AFF3: variants seen among roughly 807,000 people sequenced by gnomAD.
AFF3 encodes the protein ALF transcription elongation factor 3, also known as AF4/FMR2 family member 3.
AFF3 carries 32 observed loss-of-function variants against 129.7 expected under a neutral mutation model. The observed-to-expected ratio is 0.25, with a 90% CI of 0.19 to 0.33. AFF3 has a LOEUF of 0.33. Ranked by LOEUF, AFF3 falls within the 10% of genes least tolerant of loss-of-function variation. The pLI, the probability that AFF3 is intolerant of heterozygous loss-of-function variation, is 1.00. For missense variants in AFF3, 1,373 were observed against 1,592.0 expected (o/e 0.86, Z 2.34); for synonymous variants, 644 against 635.4 (o/e 1.01, Z -0.20).
intron 7 of AFF3, among the ~76,000 whole-genome samples, chr2:99,921,461 TC>T (rs1177228554): frequency 6.6e-6 from 1 of 152,076 alleles, no homozygotes; most frequent in African/African-American, 2.4e-5. Flanking sequence ...ATTGTTGAAA[TC>T]CAAACAAAGT....
intron 8 of AFF3, among the ~76,000 whole-genome samples, chr2:99,813,443 T>A (rs1163163142): frequency 6.6e-6 from 1 of 151,802 alleles, no homozygotes; most frequent in African/African-American, 2.4e-5. Context: ...TAGGTCTTAA[T>A]AAGAATTCAC....
intron 4 of AFF3, among the ~76,000 whole-genome samples, chr2:100,079,951 AACTC>A (rs1688914119): frequency 6.6e-6 from 1 of 152,182 alleles, no homozygotes; most frequent in East Asian, 1.9e-4. Context: ...CCTTGCTCTT[AACTC>A]ACTATGTATT....
At chr2:100,053,709 C>T (rs190216270) in intron 4 of AFF3, among the ~76,000 whole-genome samples, 2 of 152,258 alleles carry the variant, frequency 1.3e-5, no homozygotes, top group African/African-American at 4.8e-5. Flanking sequence ...GGGAACTCCC[C>T]CATGGAGCTT....
At chr2:100,087,643 G>A (rs1423351373) in intron 4 of AFF3, among the ~76,000 whole-genome samples, 1 of 151,732 alleles carries the variant, frequency 6.6e-6, no homozygotes, top group Non-Finnish European at 1.5e-5. Flanking sequence ...TCCTGAGAAA[G>A]TCATATTCCT....
intron 9 of AFF3, among the ~76,000 whole-genome samples, chr2:99,744,970 C>T (rs1423993298): frequency 1.3e-5 from 2 of 152,192 alleles, no homozygotes; most frequent in African/African-American, 4.8e-5. Context: ...CGATTTTCCA[C>T]AGCAGTGAAA....
At chr2:99,596,672 C>T (rs1298483427) in intron 14 of AFF3, among the ~76,000 whole-genome samples, 3 of 152,232 alleles carry the variant, frequency 2.0e-5, no homozygotes, top group Non-Finnish European at 4.4e-5. Context: ...CTATAGCCCA[C>T]ATCTCATATG....
At chr2:99,557,060 G>A (rs1214992262) in intron 22 of AFF3, among the ~76,000 whole-genome samples, 4 of 152,028 alleles carry the variant, frequency 2.6e-5, no homozygotes, top group Non-Finnish European at 5.9e-5. Context: ...GATTTTAAAT[G>A]TTCCCATCAC....
rs780001842 is a variant in AFF3 at position 99,558,844 on chromosome 2, G to A, written c.3285+31C>T. On this transcript the variant is annotated intron_variant, in intron 22 of 24. Coordinates refer to ENST00000672756, the MANE Select transcript of AFF3 (RefSeq NM_001386135.1). The stretch of plus-strand genomic sequence containing the variant: ...TTGACAGGGAGACAAGTGAAATTAA[G>A]GAACAATTCTGCTCATTCACTAGAC... 5 of 1,598,512 alleles carry A rather than the reference G, an allele frequency of 3.1e-6. No individual in the cohort carries two copies. The Admixed American group carries it at 8.4e-5, about 27-fold the overall frequency.
At chr2:99,731,381 A>T (rs1463215165) in intron 10 of AFF3, among the ~76,000 whole-genome samples, 1 of 152,096 alleles carries the variant, frequency 6.6e-6, no homozygotes, top group Non-Finnish European at 1.5e-5. Context: ...TTCTGTTATT[A>T]TTTTTAGTGC....
At chr2:99,874,328 C>G (rs556073585) in intron 7 of AFF3, among the ~76,000 whole-genome samples, 1 of 152,284 alleles carries the variant, frequency 6.6e-6, no homozygotes, top group East Asian at 1.9e-4. Context: ...TATTCATGTC[C>G]TTTTGTGTGT....
At chr2:99,760,053 A>G (rs1682451985) in intron 8 of AFF3, among the ~76,000 whole-genome samples, 1 of 152,236 alleles carries the variant, frequency 6.6e-6, no homozygotes, top group South Asian at 2.1e-4. Context: ...ATACATATAT[A>G]AAGAAACTAG....
At chr2:99,904,408 G>A (rs894844485) in intron 7 of AFF3, among the ~76,000 whole-genome samples, 3 of 150,184 alleles carry the variant, frequency 2.0e-5, no homozygotes, top group Non-Finnish European at 4.4e-5. Flanking sequence ...TTTAGAGTTC[G>A]GAAAAAAAAA....
At chr2:100,093,319 C>G (rs2105426087) in intron 4 of AFF3, among the ~76,000 whole-genome samples, 1 of 149,722 alleles carries the variant, frequency 6.7e-6, no homozygotes, top group East Asian at 2.0e-4. Context: ...AGGCTGGTCT[C>G]AAACTCCTAG....
chr2:99,910,136 ATCCCCT>A (rs1695013651), intron 7 of AFF3, among the ~76,000 whole-genome samples: 1 of 152,228 alleles, frequency 6.6e-6, no homozygotes, highest in African/African-American at 2.4e-5. Flanking sequence ...CTACAATGCT[ATCCCCT>A]GCCTCAGAGA....
rs146913297 is a variant in AFF3 at position 99,970,815 on chromosome 2, T to C, written c.873+35817A>G. On this transcript the variant is annotated intron_variant, in intron 7 of 24. Transcript: ENST00000672756. ...CTGAACCACTGTGCGGATGAAGACA[T>C]GGGGGAGGCGTGTCTCACGCACCTT... Among the ~76,000 whole-genome samples, 8 of 152,304 alleles carry C rather than the reference T, an allele frequency of 5.3e-5. No individual in the cohort carries two copies. In the South Asian group the frequency reaches 1.2e-3, roughly 24 times the overall value.
intron 7 of AFF3, among the ~76,000 whole-genome samples, chr2:99,907,471 A>C (rs1694795870): frequency 6.6e-6 from 1 of 152,022 alleles, no homozygotes; most frequent in African/African-American, 2.4e-5. Flanking sequence ...ACGCTTTCTT[A>C]ATGCTTCACT....
chr2:99,558,886 C>G lies in AFF3; in HGVS notation c.3274G>C (p.Asp1092His). Residue 1092 changes from aspartate (D) to histidine (H), a missense_variant, in exon 22 of 25, where the codon GAC (aspartate) becomes CAC (histidine). This residue lies in a region of AFF3 where 165 missense variants were observed against 234.0 expected (regional missense o/e 0.71). Transcript: ENST00000672756. The part of the protein sequence containing the change: ...HAVKYSKALI[D>H]YFKNSSKAAQ... ...TCACTAGACAGTACCTTGAAATAGT[C>G]GATTAGTGCTTTTGAATACTTTACA... 1 of 1,613,808 alleles carries G rather than the reference C, an allele frequency of 6.2e-7. No homozygotes were observed. The highest frequency in any genetic ancestry group is 8.5e-7 in the Non-Finnish European group (1 of 1,179,812).
chr2:99,862,542 A>G (rs1450388190), intron 7 of AFF3, among the ~76,000 whole-genome samples: 1 of 152,246 alleles, frequency 6.6e-6, no homozygotes, highest in African/African-American at 2.4e-5. Flanking sequence ...AATGCCCCAC[A>G]TCACTAGGTC....
At chr2:99,679,188 C>T in intron 11 of AFF3, among the ~76,000 whole-genome samples, 1 of 152,150 alleles carries the variant, frequency 6.6e-6, no homozygotes, top group East Asian at 1.9e-4. Flanking sequence ...TCTTTTGAAG[C>T]AATTTTGGTC....
Sources: allele counts gnomAD v4.1 joint callset (sites outside exome capture counted in the v4.1 genomes callset), GRCh38; gene constraint gnomAD v4.1.1; regional missense constraint gnomAD v4.1.1; transcripts MANE v1.5; gene names NCBI Gene and HGNC (gene_info 2026-07-23, HGNC 2026-07-21).